Variants in NKAIN3 observed in about 807,000 individuals in gnomAD.
NKAIN3 encodes the protein sodium/potassium-transporting ATPase subunit beta-1-interacting protein 3.
A neutral mutation model predicts 30.2 loss-of-function variants in NKAIN3; 25 were observed. The ratio of observed to expected loss-of-function variants is 0.83; its 90% CI spans 0.60 to 1.16. The LOEUF is 1.16. NKAIN3 is among the 50% of genes most tolerant of loss of function. The pLI, the probability that NKAIN3 is intolerant of heterozygous loss-of-function variation, is 0.00. For synonymous variants in NKAIN3, 91 were observed against 89.6 expected, an observed-to-expected ratio of 1.02 and a Z score of -0.09; for missense variants, 225 against 254.1, an observed-to-expected ratio of 0.89 and a Z score of 0.78.
At position 62,984,571 on chromosome 8, in the gene NKAIN3, A is replaced by C. The variant is rs1824164105; in HGVS notation, c.*19164A>C. On this transcript the variant is annotated 3_prime_UTR_variant, in exon 7 of 7. Coordinates refer to ENST00000623646, the MANE Select transcript of NKAIN3 (RefSeq NM_001304533.3). Reference sequence around the variant, plus strand: ...CACTGTATATTAACTTCTTTTCTACAGATGTTTGACTTATGAGATGAATTA... The same window carrying C: ...CACTGTATATTAACTTCTTTTCTACCGATGTTTGACTTATGAGATGAATTA... The C allele has an allele frequency of 6.6e-6, 1 of 152,208 alleles. No individual in the cohort carries two copies. Among genetic ancestry groups the C allele is most frequent in the Admixed American group, 6.5e-5 (1 of 15,284 alleles). 9.4% of individuals were successfully genotyped at this position (152,208 alleles called of 1,614,324 possible).
At chr8:62,279,997 T>C (rs1424207633) in intron 1 of NKAIN3, among the ~76,000 whole-genome samples, 1 of 152,196 alleles carries the variant, frequency 6.6e-6, no homozygotes. Context: ...TTGTTCTTCC[T>C]ATCCATGAGC....
chr8:62,347,704 T>A (rs1163396728), intron 1 of NKAIN3, among the ~76,000 whole-genome samples: 4 of 152,086 alleles, frequency 2.6e-5, no homozygotes, highest in African/African-American at 9.7e-5. Context: ...GAAAAAATGT[T>A]AAAAAATTTA....
intron 1 of NKAIN3, among the ~76,000 whole-genome samples, chr8:62,357,110 A>AAAACAAAC (rs903319750): frequency 6.6e-6 from 1 of 151,908 alleles, no homozygotes; most frequent in Non-Finnish European, 1.5e-5. Flanking sequence ...TCAAAAATAA[A>AAAACAAAC]AAACAAACAA....
At chr8:62,801,151 GGCCT>G (rs1818047794) in intron 4 of NKAIN3, among the ~76,000 whole-genome samples, 1 of 152,214 alleles carries the variant, frequency 6.6e-6, no homozygotes, top group African/African-American at 2.4e-5. Flanking sequence ...AGCTCAAGGA[GGCCT>G]GCCTGCCTCT....
chr8:62,445,205 A>G (rs893203065), intron 1 of NKAIN3, among the ~76,000 whole-genome samples: 2 of 151,956 alleles, frequency 1.3e-5, no homozygotes, highest in African/African-American at 2.4e-5. Context: ...CAGCCTCCCA[A>G]AGTGCTGGGA....
intron 6 of NKAIN3, among the ~76,000 whole-genome samples, chr8:62,957,137 G>A (rs1224147866): frequency 2.2e-5 from 2 of 89,764 alleles, no homozygotes; most frequent in African/African-American, 5.7e-5. Context: ...ATTTATAGCA[G>A]CCTTTTTTTT....
At chr8:62,601,879 G>A (rs1810993757) in intron 3 of NKAIN3, among the ~76,000 whole-genome samples, 2 of 152,150 alleles carry the variant, frequency 1.3e-5, no homozygotes, top group African/African-American at 4.8e-5. Flanking sequence ...TTTGGCATGA[G>A]TCTAAGTGAA....
At chr8:62,930,289 T>C (rs979973570) in intron 5 of NKAIN3, among the ~76,000 whole-genome samples, 2 of 152,140 alleles carry the variant, frequency 1.3e-5, no homozygotes, top group Admixed American at 6.5e-5. Context: ...GTCTCATTCT[T>C]GTCCCCCAGG....
chr8:62,370,260 A>C, intron 1 of NKAIN3, among the ~76,000 whole-genome samples: 1 of 152,062 alleles, frequency 6.6e-6, no homozygotes, highest in East Asian at 1.9e-4. Flanking sequence ...CTTCCTGGCC[A>C]CATTGACTAC....
At position 62,965,632 on chromosome 8, in the gene NKAIN3, A is replaced by G. The variant is rs1823690681; in HGVS notation, c.*225A>G. ...CACTTGTAAGTTGTAAAAAAAAAAA[A>G]AAAAGAAAAAACAGAATTTGGTTTT... On this transcript the variant is annotated 3_prime_UTR_variant, in exon 7 of 7. Transcript: ENST00000623646. The G allele has an allele frequency of 2.1e-6, 2 of 972,990 alleles. No homozygotes were observed. The highest frequency in any genetic ancestry group is 1.2e-6 in the Non-Finnish European group (1 of 823,482). 60.3% of individuals were successfully genotyped at this position (972,990 alleles called of 1,614,324 possible).
At position 62,981,268 on chromosome 8, in the gene NKAIN3, G is replaced by T. The variant is rs1473706068; in HGVS notation, c.*15861G>T. On this transcript the variant is annotated 3_prime_UTR_variant, in exon 7 of 7. Coordinates refer to ENST00000623646, the MANE Select transcript of NKAIN3 (RefSeq NM_001304533.3). ...AGAAAATGGAGAGTTTTCATTAAAG[G>T]GCCCCTGCAAATCTATGATGCTAGA... 6.6e-6 allele frequency: 1 copy of T among 151,912 alleles called. No homozygotes were observed. The highest frequency in any genetic ancestry group is 1.5e-5 in the Non-Finnish European group (1 of 67,994). 9.4% of individuals were successfully genotyped at this position (151,912 alleles called of 1,614,324 possible). A position where few individuals can be genotyped will look rare whatever the true frequency, so the allele number is the denominator to read the frequency against.
chr8:62,863,595 A>T, intron 4 of NKAIN3: 1 of 1,181,592 alleles, frequency 8.5e-7, no homozygotes, highest in Non-Finnish European at 1.3e-6. Flanking sequence ...TTCATGCCTG[A>T]AATCTTGAAG....
At chr8:62,440,665 T>A (rs1046557605) in intron 1 of NKAIN3, among the ~76,000 whole-genome samples, 3 of 151,366 alleles carry the variant, frequency 2.0e-5, no homozygotes, top group Non-Finnish European at 1.5e-5. Context: ...ACGACCATAC[T>A]CACTCCCCTC....
intron 1 of NKAIN3, among the ~76,000 whole-genome samples, chr8:62,548,543 G>A (rs975407531): frequency 3.9e-5 from 6 of 152,038 alleles, no homozygotes; most frequent in African/African-American, 2.4e-5. Flanking sequence ...AGAGTCCTGG[G>A]CACCTTTAAG....
intron 4 of NKAIN3, among the ~76,000 whole-genome samples, chr8:62,879,006 T>A (rs1174239111): frequency 6.6e-6 from 1 of 152,218 alleles, no homozygotes; most frequent in Non-Finnish European, 1.5e-5. Context: ...GCATGTTTTA[T>A]AATCCTTTGG....
intron 3 of NKAIN3, among the ~76,000 whole-genome samples, chr8:62,718,648 A>G (rs1273035890): frequency 6.6e-6 from 1 of 152,194 alleles, no homozygotes; most frequent in South Asian, 2.1e-4. Flanking sequence ...GAGGCAACCA[A>G]TTCTTGATTC....
Position 62,863,107 on chromosome 8 carries a change from T to C in NKAIN3, c.472-55346T>C, listed in dbSNP as rs1263273636. 7.6e-6 allele frequency: 10 copies of C among 1,316,278 alleles called. No individual in the cohort carries two copies. The East Asian group carries it at 2.4e-4, about 32-fold the overall frequency. The allele number at this position is 1,316,278 out of a possible 1,614,324, so 81.5% of individuals were successfully genotyped here. On this transcript the variant is annotated intron_variant, in intron 4 of 6. Transcript: ENST00000623646. ...CAAGTTAAGAAAAGGGTATTCCCCATCCTGCTCATTGGAAGGTGCAGCTGA... is the reference window on the plus strand; with the variant it reads ...CAAGTTAAGAAAAGGGTATTCCCCACCCTGCTCATTGGAAGGTGCAGCTGA...
At chr8:62,883,457 G>GTTGTTGTTTT in intron 4 of NKAIN3, among the ~76,000 whole-genome samples, 11 of 70,224 alleles carry the variant, frequency 1.6e-4, no homozygotes, top group African/African-American at 2.1e-4. Flanking sequence ...AGTTTTATGG[G>GTTGTTGTTTT]TTTTTTTTTT....
intron 1 of NKAIN3, among the ~76,000 whole-genome samples, chr8:62,371,579 C>A (rs530398866): frequency 8.6e-5 from 13 of 151,978 alleles, no homozygotes; most frequent in Non-Finnish European, 1.5e-4. Flanking sequence ...AATATAAATT[C>A]TGCAAGGTAA....
Sources: gnomAD v4.1 joint callset for allele counts (sites outside exome capture counted in the v4.1 genomes callset) on GRCh38, gnomAD v4.1.1 for gene constraint, MANE v1.5 for transcripts, NCBI Gene and HGNC (gene_info 2026-07-23, HGNC 2026-07-21) for gene names.